FHIT: variants seen among roughly 807,000 people sequenced by gnomAD.
FHIT encodes the protein fragile histidine triad diadenosine triphosphatase.
A neutral mutation model predicts 17.9 loss-of-function variants in FHIT; 19 were observed. The observed-to-expected ratio is 1.06, with a 90% CI of 0.74 to 1.56. The LOEUF (loss-of-function observed/expected upper bound fraction) is 1.56, where lower values mean the gene tolerates loss of function less well. FHIT is among the 40% of genes most tolerant of loss of function. The probability of loss-of-function intolerance (pLI) is 0.00; values close to 1 mark genes in which losing one functional copy is unlikely to be tolerated. For missense variants in FHIT, 248 were observed against 189.2 expected, an observed-to-expected ratio of 1.31 and a Z score of -1.82; for synonymous variants, 81 against 69.7, an observed-to-expected ratio of 1.16 and a Z score of -0.81.
chr3:61,069,980 C>T (rs9812744), intron 2 of FHIT, among the ~76,000 whole-genome samples: 15,870 of 152,008 alleles, frequency 0.1, 2,476 homozygotes, highest in African/African-American at 0.34. Flanking sequence ...GGTGCGATCT[C>T]GGCTCACTGC....
chr3:60,586,580 T>C (rs1385031889), intron 4 of FHIT, among the ~76,000 whole-genome samples: 1 of 151,972 alleles, frequency 6.6e-6, no homozygotes, highest in Non-Finnish European at 1.5e-5. Flanking sequence ...AGCAAAGACA[T>C]GGAATCAACC....
intron 3 of FHIT, among the ~76,000 whole-genome samples, chr3:60,924,383 G>A (rs963728706): frequency 6.6e-6 from 1 of 152,112 alleles, no homozygotes; most frequent in South Asian, 2.1e-4. Flanking sequence ...AATCAGTCAG[G>A]AACATTTGCT....
At chr3:60,396,916 A>C (rs1407000128) in intron 5 of FHIT, among the ~76,000 whole-genome samples, 2 of 152,162 alleles carry the variant, frequency 1.3e-5, no homozygotes, top group African/African-American at 4.8e-5. Context: ...TAAAAAGGAA[A>C]CTTTATCCTC....
intron 7 of FHIT, among the ~76,000 whole-genome samples, chr3:60,010,720 T>C (rs933960155): frequency 1.4e-4 from 21 of 152,292 alleles, no homozygotes; most frequent in Non-Finnish European, 2.9e-4. Flanking sequence ...AGGATTTTAT[T>C]ATTTTATTTT....
intron 3 of FHIT, among the ~76,000 whole-genome samples, chr3:60,975,712 A>C (rs1710202606): frequency 6.6e-6 from 1 of 152,204 alleles, no homozygotes; most frequent in Non-Finnish European, 1.5e-5. Flanking sequence ...ATCTATCTGT[A>C]ATATGACTGT....
At chr3:60,517,634 T>A (rs891788938) in intron 5 of FHIT, among the ~76,000 whole-genome samples, 1 of 152,242 alleles carries the variant, frequency 6.6e-6, no homozygotes, top group Non-Finnish European at 1.5e-5. Flanking sequence ...GCATTTTATA[T>A]GAAAATTATA....
At chr3:60,828,747 G>A (rs1239735342) in intron 3 of FHIT, among the ~76,000 whole-genome samples, 6 of 152,006 alleles carry the variant, frequency 3.9e-5, no homozygotes, top group East Asian at 1.9e-4. Context: ...GCATGGTGGC[G>A]GGTGCCTGTA....
At chr3:60,489,214 G>A (rs1445627151) in intron 5 of FHIT, among the ~76,000 whole-genome samples, 3 of 152,108 alleles carry the variant, frequency 2.0e-5, no homozygotes, top group Non-Finnish European at 4.4e-5. Context: ...TTTACTCAGA[G>A]GCATCAATCC....
chr3:60,231,397 G>C lies in FHIT; in HGVS notation c.104-217245C>G, dbSNP rs919652336. Among the ~76,000 whole-genome samples the C allele has an allele frequency of 1.6e-4, 25 of 152,130 alleles. 1 individual carries two copies. The highest frequency in any genetic ancestry group is 6.5e-4 in the Admixed American group (10 of 15,278). ...TTCATGTAACCAACGCCCAGATCCAGAAATACAGTATTACCAACACCTCAG... is the reference window on the plus strand; with the variant it reads ...TTCATGTAACCAACGCCCAGATCCACAAATACAGTATTACCAACACCTCAG... On this transcript the variant is annotated intron_variant, in intron 5 of 9. Transcript: ENST00000492590.
chr3:60,757,275 C>T (rs1375329083), intron 4 of FHIT, among the ~76,000 whole-genome samples: 3 of 152,088 alleles, frequency 2.0e-5, no homozygotes, highest in African/African-American at 7.2e-5. Flanking sequence ...GAGAAACCAC[C>T]TGGGCCAGAC....
chr3:59,884,709 T>C (rs1240044552), intron 8 of FHIT, among the ~76,000 whole-genome samples: 3 of 152,126 alleles, frequency 2.0e-5, no homozygotes, highest in Non-Finnish European at 4.4e-5. Context: ...TATGGGACAG[T>C]AGGAAAATCC....
intron 8 of FHIT, among the ~76,000 whole-genome samples, chr3:59,893,836 G>C (rs1261991513): frequency 3.9e-5 from 6 of 152,226 alleles, no homozygotes; most frequent in Admixed American, 3.9e-4. Flanking sequence ...ATTAGGTATT[G>C]ATGGGCAAAG....
intron 7 of FHIT, among the ~76,000 whole-genome samples, chr3:59,969,005 T>C (rs1708059592): frequency 6.6e-6 from 1 of 152,156 alleles, no homozygotes; most frequent in Non-Finnish European, 1.5e-5. Flanking sequence ...ACTGCTCTAA[T>C]GAACATATTT....
chr3:60,220,648 T>G (rs926938543), intron 5 of FHIT, among the ~76,000 whole-genome samples: 3 of 152,162 alleles, frequency 2.0e-5, no homozygotes, highest in African/African-American at 7.2e-5. Flanking sequence ...ATAACTTCAG[T>G]AGCAGACACT....
intron 2 of FHIT, among the ~76,000 whole-genome samples, chr3:61,121,630 C>T (rs906641796): frequency 1.3e-5 from 2 of 152,152 alleles, no homozygotes; most frequent in Non-Finnish European, 2.9e-5. Flanking sequence ...GGAGCTACTG[C>T]AAAAACATAC....
At chr3:59,906,197 G>C (rs969471900) in intron 8 of FHIT, among the ~76,000 whole-genome samples, 6 of 152,218 alleles carry the variant, frequency 3.9e-5, no homozygotes, top group African/African-American at 1.4e-4. Flanking sequence ...GCTGGAGCTT[G>C]AATGGACACC....
chr3:59,810,039 G>T (rs1024088410), intron 8 of FHIT, among the ~76,000 whole-genome samples: 1 of 152,090 alleles, frequency 6.6e-6, no homozygotes, highest in African/African-American at 2.4e-5. Flanking sequence ...GAGGATAAGG[G>T]GACTCAGAGT....
intron 8 of FHIT, among the ~76,000 whole-genome samples, chr3:59,771,220 A>G (rs1702058699): frequency 6.6e-6 from 1 of 152,202 alleles, no homozygotes; most frequent in Non-Finnish European, 1.5e-5. Context: ...GAATTGCAGA[A>G]GGAAGAACAG....
intron 5 of FHIT, among the ~76,000 whole-genome samples, chr3:60,479,069 A>T (rs1262217280): frequency 6.6e-6 from 1 of 152,164 alleles, no homozygotes; most frequent in Non-Finnish European, 1.5e-5. Context: ...ACTAGACTTG[A>T]GGGGCCTTAG....
Sources: gnomAD v4.1 joint callset for allele counts (sites outside exome capture counted in the v4.1 genomes callset) on GRCh38, gnomAD v4.1.1 for gene constraint, MANE v1.5 for transcripts, NCBI Gene and HGNC (gene_info 2026-07-23, HGNC 2026-07-21) for gene names.